DCC: variants seen among roughly 807,000 people sequenced by gnomAD.
DCC encodes the protein DCC netrin 1 receptor.
A neutral mutation model predicts 172.5 loss-of-function variants in DCC; 58 were observed. That is an observed-to-expected ratio of 0.34 (90% CI 0.27 to 0.42). The LOEUF (loss-of-function observed/expected upper bound fraction) is 0.42. Ranked by LOEUF, DCC falls within the 10% of genes least tolerant of loss-of-function variation. The probability of loss-of-function intolerance (pLI) is 1.00; values close to 1 mark genes in which losing one functional copy is unlikely to be tolerated. For missense variants in DCC, 1,740 were observed against 1,791.0 expected (o/e 0.97, Z 0.51); for synonymous variants, 709 against 644.5 (o/e 1.10, Z -1.52).
chr18:52,466,279 TG>T (rs1988782481), intron 1 of DCC, among the ~76,000 whole-genome samples: 1 of 152,186 alleles, frequency 6.6e-6, no homozygotes, highest in South Asian at 2.1e-4. Context: ...AATATGTCCA[TG>T]GTGGGTCTAA....
chr18:52,347,760 G>A (rs955283238), intron 1 of DCC, among the ~76,000 whole-genome samples: 1 of 152,116 alleles, frequency 6.6e-6, no homozygotes, highest in Non-Finnish European at 1.5e-5. Flanking sequence ...TAATTTGGAT[G>A]TCACTTGTAC....
At chr18:52,651,573 C>T (rs1252817446) in intron 1 of DCC, among the ~76,000 whole-genome samples, 1 of 149,000 alleles carries the variant, frequency 6.7e-6, no homozygotes, top group Non-Finnish European at 1.5e-5. Flanking sequence ...TGTTTGAAGT[C>T]TACTCCTTTT....
chr18:53,338,286 CA>C (rs769688305), intron 14 of DCC, among the ~76,000 whole-genome samples: 31 of 152,164 alleles, frequency 2.0e-4, no homozygotes, highest in African/African-American at 7.2e-4. Context: ...GCTCACACCT[CA>C]AACATAATAG....
At chr18:52,795,196 A>G (rs563099107) in intron 2 of DCC, among the ~76,000 whole-genome samples, 2 of 152,062 alleles carry the variant, frequency 1.3e-5, no homozygotes, top group South Asian at 4.1e-4. Context: ...TAGTTTGAGA[A>G]TAATCTGTGT....
chr18:52,629,782 C>G (rs1280517519), intron 1 of DCC, among the ~76,000 whole-genome samples: 1 of 151,980 alleles, frequency 6.6e-6, no homozygotes, highest in Non-Finnish European at 1.5e-5. Context: ...AACCCCGTCT[C>G]TACTAAAAAC....
intron 7 of DCC, among the ~76,000 whole-genome samples, chr18:53,087,250 C>T (rs1254607382): frequency 1.3e-5 from 2 of 151,768 alleles, no homozygotes; most frequent in African/African-American, 4.8e-5. Flanking sequence ...TCTCCACATC[C>T]TCTCCAGCAC....
intron 7 of DCC, among the ~76,000 whole-genome samples, chr18:53,097,153 A>T (rs574205809): frequency 6.6e-6 from 1 of 152,226 alleles, no homozygotes. Context: ...TTAATTTTCT[A>T]TCCAACTGAT....
intron 2 of DCC, among the ~76,000 whole-genome samples, chr18:52,799,404 G>A (rs543587662): frequency 6.6e-6 from 1 of 152,276 alleles, no homozygotes; most frequent in East Asian, 1.9e-4. Flanking sequence ...TATTGCTCAT[G>A]GGTATACATG....
chr18:52,986,275 G>A (rs534552420), intron 5 of DCC, among the ~76,000 whole-genome samples: 1 of 152,262 alleles, frequency 6.6e-6, no homozygotes, highest in African/African-American at 2.4e-5. Flanking sequence ...TTTCTTTAGA[G>A]AGTAGTATCA....
chr18:53,007,962 TTAAA>T (rs1357120760), intron 5 of DCC, among the ~76,000 whole-genome samples: 2 of 152,090 alleles, frequency 1.3e-5, no homozygotes, highest in Admixed American at 6.6e-5. Flanking sequence ...AATGAAACCA[TTAAA>T]TAATCACTTA....
At chr18:52,933,278 A>G (rs1001587371) in intron 5 of DCC, among the ~76,000 whole-genome samples, 3 of 152,082 alleles carry the variant, frequency 2.0e-5, no homozygotes, top group Non-Finnish European at 4.4e-5. Flanking sequence ...TATGACACAG[A>G]TCCAAGCCTC....
chr18:52,811,256 T>A (rs867377907), intron 2 of DCC, among the ~76,000 whole-genome samples: 4 of 152,208 alleles, frequency 2.6e-5, no homozygotes, highest in Non-Finnish European at 5.9e-5. Flanking sequence ...CTATGAATAT[T>A]TATATGATAC....
intron 12 of DCC, among the ~76,000 whole-genome samples, chr18:53,225,750 T>C (rs1204646054): frequency 6.6e-6 from 1 of 152,110 alleles, no homozygotes; most frequent in Admixed American, 6.6e-5. Context: ...TTGAGACTGG[T>C]TGTCATGAAT....
intron 1 of DCC, among the ~76,000 whole-genome samples, chr18:52,703,093 T>G (rs1269465050): frequency 6.6e-6 from 1 of 152,196 alleles, no homozygotes; most frequent in Non-Finnish European, 1.5e-5. Flanking sequence ...TTTCTCTGAT[T>G]CAAGGCTAAC....
chr18:52,400,958 G>A (rs375573185), intron 1 of DCC, among the ~76,000 whole-genome samples: 1 of 152,118 alleles, frequency 6.6e-6, no homozygotes, highest in Admixed American at 6.5e-5. Flanking sequence ...TGGGGGACTA[G>A]GGGAGGGATA....
intron 5 of DCC, among the ~76,000 whole-genome samples, chr18:53,052,543 C>T (rs1256686101): frequency 6.6e-6 from 1 of 152,054 alleles, no homozygotes; most frequent in Non-Finnish European, 1.5e-5. Flanking sequence ...TACTTCTAGA[C>T]TTACTTGTCA....
chr18:53,203,580 G>T (rs1365010372), intron 9 of DCC, among the ~76,000 whole-genome samples: 1 of 152,204 alleles, frequency 6.6e-6, no homozygotes, highest in Non-Finnish European at 1.5e-5. Flanking sequence ...AGGGGCCTGG[G>T]TTCCATGGAA....
chr18:53,296,068 C>G (rs2057063642), intron 12 of DCC, among the ~76,000 whole-genome samples: 1 of 152,154 alleles, frequency 6.6e-6, no homozygotes, highest in Non-Finnish European at 1.5e-5. Context: ...TGTTGCTAGA[C>G]AATTTCTCTC....
intron 1 of DCC, among the ~76,000 whole-genome samples, chr18:52,560,229 T>A (rs531454175): frequency 1.3e-4 from 20 of 152,342 alleles, no homozygotes; most frequent in African/African-American, 4.6e-4. Flanking sequence ...AAAGCAGCCA[T>A]TAAAAGTATG....
Sources: gnomAD v4.1 joint callset for allele counts (sites outside exome capture counted in the v4.1 genomes callset) on GRCh38, gnomAD v4.1.1 for gene constraint, MANE v1.5 for transcripts, NCBI Gene and HGNC (gene_info 2026-07-23, HGNC 2026-07-21) for gene names.